EML5: variants seen among roughly 807,000 people sequenced by gnomAD.
The protein encoded by EML5 is EMAP like 5.
EML5 carries 120 observed loss-of-function variants against 250.0 expected under a neutral mutation model. That is an observed-to-expected ratio of 0.48 (90% CI 0.41 to 0.56). The LOEUF is 0.56. Among genes scored for constraint, EML5 ranks in the 20% least tolerant of loss-of-function variants. The pLI is 0.00. For missense variants in EML5, 2,006 were observed against 2,437.6 expected (o/e 0.82, Z 3.73); for synonymous variants, 771 against 806.5 (o/e 0.96, Z 0.75).
intron 29 of EML5, among the ~76,000 whole-genome samples, chr14:88,646,391 C>G (rs1255658989): frequency 6.6e-6 from 1 of 152,056 alleles, no homozygotes; most frequent in Non-Finnish European, 1.5e-5. Flanking sequence ...TCTTCATATA[C>G]TTTTTTGGAT....
chr14:88,758,931 A>G (rs1216820288), intron 1 of EML5, among the ~76,000 whole-genome samples: 1 of 152,232 alleles, frequency 6.6e-6, no homozygotes, highest in Non-Finnish European at 1.5e-5. Context: ...ATATTAATAC[A>G]TTATGAAATG....
At chr14:88,713,636 T>G (rs1353921477) in intron 9 of EML5, among the ~76,000 whole-genome samples, 5 of 147,374 alleles carry the variant, frequency 3.4e-5, no homozygotes, top group African/African-American at 1.3e-4. Context: ...TTTTTTTTTT[T>G]GGTAGACATG....
intron 28 of EML5, among the ~76,000 whole-genome samples, chr14:88,648,450 C>T (rs937144744): frequency 6.6e-6 from 1 of 152,096 alleles, no homozygotes; most frequent in African/African-American, 2.4e-5. Flanking sequence ...ACCTCCCACG[C>T]TCCAGACATC....
chr14:88,660,593 A>G (rs946779103), intron 25 of EML5, among the ~76,000 whole-genome samples: 6 of 152,006 alleles, frequency 3.9e-5, no homozygotes, highest in African/African-American at 1.4e-4. Context: ...ATACAAAAAA[A>G]TTAGCTGGGC....
chr14:88,626,931 G>A lies in EML5; in HGVS notation c.4647C>T (p.Thr1549=), dbSNP rs372919299. The A allele has an allele frequency of 2.4e-5, 39 of 1,613,746 alleles. No homozygotes were observed. The highest frequency in any genetic ancestry group is 3.3e-5 in the Non-Finnish European group (39 of 1,179,858). Residue 1549 remains threonine (T), a synonymous_variant, in exon 35 of 44, where the codon ACC becomes ACT. Transcript: ENST00000554922. ...TGCTAAGAAGAGCTCTTCCTGCCAG[G>A]GTCCAGAACTTCACATGTTTTACTC... is the stretch of plus-strand genomic sequence containing the variant. The part of the protein sequence containing the change: ...SVGVKHVKFW[T]LAGRALLSKK...
rs1347786559 is a variant in EML5, at chr14:88,736,500, T to C, written c.913A>G (p.Ile305Val). 2 of 1,614,052 alleles carry C rather than the reference T, an allele frequency of 1.2e-6. No homozygotes were observed. Among genetic ancestry groups the C allele is most frequent in the East Asian group, 2.2e-5 (1 of 44,882 alleles). Reference protein sequence around the residue: ...HILVGTQDSEIFEIVVQERNK... With the variant: ...HILVGTQDSEVFEIVVQERNK... Reference sequence around the variant, plus strand: ...CTTTCTTGCACCACAATTTCAAAAATTTCACTGTCCTGTGTTCCAACTAGA... The same window carrying C: ...CTTTCTTGCACCACAATTTCAAAAACTTCACTGTCCTGTGTTCCAACTAGA... The change falls in exon 7 of 44, where the codon ATT (isoleucine) becomes GTT (valine). Residue 305 changes from isoleucine (I) to valine (V), a missense_variant. Transcript: ENST00000554922.
chr14:88,741,278 T>C (rs1444965437), intron 4 of EML5, among the ~76,000 whole-genome samples: 1 of 152,114 alleles, frequency 6.6e-6, no homozygotes, highest in Non-Finnish European at 1.5e-5. Context: ...CTCTCTCTGA[T>C]AGAAACATTA....
At chr14:88,742,731 AAGCCCAGCATAC>A (rs1468341413) in intron 4 of EML5, among the ~76,000 whole-genome samples, 2 of 152,170 alleles carry the variant, frequency 1.3e-5, no homozygotes, top group Admixed American at 1.3e-4. Context: ...ATGTGCCTTA[AAGCCCAGCATAC>A]AGCCTTTTTG....
intron 33 of EML5, among the ~76,000 whole-genome samples, chr14:88,628,537 C>A (rs913389509): frequency 1.3e-5 from 2 of 151,998 alleles, no homozygotes; most frequent in East Asian, 3.8e-4. Context: ...TTATGAACTG[C>A]ACCCTATAAA....
chr14:88,714,833 T>A, intron 9 of EML5, 106 bp downstream of exon 9: 1 of 1,098,090 alleles, frequency 9.1e-7, no homozygotes, highest in African/African-American at 1.6e-5. Context: ...TTAGCTCAGA[T>A]CTTCTTTGAT....
intron 17 of EML5, 52 bp from the exon 18 acceptor site, chr14:88,688,525 A>T: frequency 6.4e-7 from 1 of 1,571,964 alleles, no homozygotes; most frequent in Non-Finnish European, 8.7e-7. Flanking sequence ...GTACTCAATT[A>T]TAAAGAAGCA....
intron 10 of EML5, among the ~76,000 whole-genome samples, chr14:88,709,041 T>A (rs2093362850): frequency 6.6e-6 from 1 of 152,116 alleles, no homozygotes; most frequent in South Asian, 2.1e-4. Flanking sequence ...TTTTAATGTG[T>A]ATTTTCACAC....
At chr14:88,617,838 G>A (rs2087982222) in intron 41 of EML5, 1 of 155,962 alleles carries the variant, frequency 6.4e-6, no homozygotes, top group South Asian at 1.9e-4. Flanking sequence ...CATACAGCCA[G>A]GAAATTTGAA....
At chr14:88,757,891 C>A (rs2094184293) in intron 1 of EML5, among the ~76,000 whole-genome samples, 1 of 151,870 alleles carries the variant, frequency 6.6e-6, no homozygotes. Context: ...CACTCTGTCA[C>A]CCAGGCTGGA....
intron 1 of EML5, among the ~76,000 whole-genome samples, chr14:88,770,503 T>C (rs948792699): frequency 6.6e-6 from 1 of 152,072 alleles, no homozygotes; most frequent in Non-Finnish European, 1.5e-5. Flanking sequence ...CTGATGTAGG[T>C]TAAGATAAGA....
chr14:88,762,344 C>T (rs1326831739), intron 1 of EML5, among the ~76,000 whole-genome samples: 1 of 152,056 alleles, frequency 6.6e-6, no homozygotes, highest in African/African-American at 2.4e-5. Flanking sequence ...AACCCAGTCT[C>T]TAATAAAAAT....
intron 21 of EML5, among the ~76,000 whole-genome samples, chr14:88,671,836 C>A (rs2092470002): frequency 6.6e-6 from 1 of 152,114 alleles, no homozygotes; most frequent in African/African-American, 2.4e-5. Context: ...GGGATCAATT[C>A]AACAAGTAAA....
At chr14:88,634,423 T>C in intron 33 of EML5, 46 bp downstream of exon 33, 3 of 1,353,586 alleles carry the variant, frequency 2.2e-6, no homozygotes, top group Non-Finnish European at 3.0e-6. Context: ...TGCACTATCA[T>C]TACCAAACAA....
At chr14:88,724,740 A>C (rs74888985) in intron 8 of EML5, among the ~76,000 whole-genome samples, 2,675 of 152,320 alleles carry the variant, frequency 0.018, 77 homozygotes, top group African/African-American at 0.059. Context: ...CATGAATATT[A>C]ATTATTATTC....
Sources: gnomAD v4.1 joint callset for allele counts (sites outside exome capture counted in the v4.1 genomes callset) on GRCh38, gnomAD v4.1.1 for gene constraint, MANE v1.5 for transcripts, NCBI Gene and HGNC (gene_info 2026-07-23, HGNC 2026-07-21) for gene names.